MYT1L: variants seen among roughly 807,000 people sequenced by gnomAD.
The protein encoded by MYT1L is myelin transcription factor 1 like, also known as myelin transcription factor 1-like protein.
A neutral mutation model predicts 126.7 loss-of-function variants in MYT1L; 12 were observed. That is an observed-to-expected ratio of 0.09 (90% confidence interval 0.06 to 0.15). MYT1L has a LOEUF of 0.15. Ranked by LOEUF, MYT1L falls within the 10% of genes least tolerant of loss-of-function variation. MYT1L has a pLI of 1.00. For synonymous variants in MYT1L, 541 were observed against 604.2 expected, an observed-to-expected ratio of 0.90 and a Z score of 1.53; for missense variants, 979 against 1,585.2, an observed-to-expected ratio of 0.62 and a Z score of 6.49.
At chr2:1,839,842 T>C (rs2041421245) in intron 20 of MYT1L, among the ~76,000 whole-genome samples, 2 of 152,240 alleles carry the variant, frequency 1.3e-5, no homozygotes, top group South Asian at 2.1e-4. Flanking sequence ...CCGTATCTTC[T>C]GGAGGCCTTA....
intron 18 of MYT1L, among the ~76,000 whole-genome samples, chr2:1,857,303 A>T (rs537244602): frequency 3.3e-5 from 5 of 152,304 alleles, no homozygotes; most frequent in South Asian, 2.1e-4. Flanking sequence ...TATTTTTTTT[A>T]AAAGTCTTCT....
chr2:1,970,533 T>C (rs1330506553), intron 8 of MYT1L, among the ~76,000 whole-genome samples: 1 of 152,190 alleles, frequency 6.6e-6, no homozygotes, highest in Non-Finnish European at 1.5e-5. Flanking sequence ...ATGGTGTCCA[T>C]GAGAGGGGCA....
At chr2:2,022,513 A>G (rs1014041460) in intron 4 of MYT1L, among the ~76,000 whole-genome samples, 3 of 152,036 alleles carry the variant, frequency 2.0e-5, no homozygotes, top group African/African-American at 7.2e-5. Flanking sequence ...AGAGATTTCA[A>G]CCTCTCCTGT....
At chr2:1,828,150 T>C (rs190604052) in intron 21 of MYT1L, 2 of 152,270 alleles carry the variant, frequency 1.3e-5, no homozygotes, top group African/African-American at 4.8e-5. Context: ...AATGTTTACC[T>C]GTGTTGTGTA....
chr2:1,902,991 C>T (rs2050556487), intron 14 of MYT1L, 89 bp downstream of exon 14: 1 of 1,265,602 alleles, frequency 7.9e-7, no homozygotes, highest in Admixed American at 1.7e-5. Flanking sequence ...ACCACCACCG[C>T]TCAACTAATT....
chr2:1,794,255 T>C (rs2032910444), intron 23 of MYT1L, among the ~76,000 whole-genome samples: 1 of 152,208 alleles, frequency 6.6e-6, no homozygotes, highest in African/African-American at 2.4e-5. Flanking sequence ...TGCAGAGGCC[T>C]CGCCATCGCT....
intron 18 of MYT1L, among the ~76,000 whole-genome samples, chr2:1,854,017 T>C (rs111835814): frequency 0.042 from 6,471 of 152,324 alleles, 182 homozygotes; most frequent in South Asian, 0.11. Context: ...GCTTGGTTTA[T>C]GTGTCCTTCT....
At chr2:2,227,475 G>A (rs996580396) in intron 2 of MYT1L, among the ~76,000 whole-genome samples, 1 of 152,082 alleles carries the variant, frequency 6.6e-6, no homozygotes, top group African/African-American at 2.4e-5. Context: ...GGAGTGCATC[G>A]AGGGACCACA....
At chr2:1,807,891 G>A (rs1326100953) in intron 22 of MYT1L, among the ~76,000 whole-genome samples, 1 of 152,138 alleles carries the variant, frequency 6.6e-6, no homozygotes, top group African/African-American at 2.4e-5. Context: ...TAACCTCCAC[G>A]TGTCGTGGGA....
chr2:2,098,462 T>C (rs1033636067), intron 3 of MYT1L, among the ~76,000 whole-genome samples: 2 of 152,206 alleles, frequency 1.3e-5, no homozygotes, highest in Non-Finnish European at 2.9e-5. Context: ...TGCATTAGAT[T>C]ATCCTGAGCC....
chr2:2,293,934 A>G (rs2095635898), intron 1 of MYT1L, among the ~76,000 whole-genome samples: 1 of 152,218 alleles, frequency 6.6e-6, no homozygotes, highest in South Asian at 2.1e-4. Flanking sequence ...TCTGGATAGC[A>G]TCAGCCATGG....
At chr2:1,844,114 G>T (rs535467185) in intron 19 of MYT1L, among the ~76,000 whole-genome samples, 1 of 152,152 alleles carries the variant, frequency 6.6e-6, no homozygotes, top group Admixed American at 6.5e-5. Flanking sequence ...CCACTCACTT[G>T]GTGGGCAGCT....
In MYT1L at chr2:2,090,345, A is replaced by C. The variant is rs542710809; in HGVS notation, c.-303-36222T>G. On this transcript the variant is annotated intron_variant, in intron 3 of 24. Transcript: ENST00000647738. ...ATAAAGGAAGCTACACAATTTTTTC[A>C]TTCCAAAAAAGTGCATATAAATGAT... 2.6e-5 allele frequency among the ~76,000 whole-genome samples: 4 copies of C among 152,366 alleles called. No homozygotes were observed. The East Asian group carries it at 5.8e-4, about 22-fold the overall frequency.
chr2:2,100,929 C>T (rs759658517), intron 3 of MYT1L, among the ~76,000 whole-genome samples: 20 of 152,122 alleles, frequency 1.3e-4, no homozygotes, highest in Admixed American at 5.9e-4. Flanking sequence ...TAGAATAGCA[C>T]GTAGATAATA....
In MYT1L at chr2:2,189,796, G is replaced by A. The variant is rs568262430; in HGVS notation, c.-420-16808C>T. 4.0e-5 allele frequency among the ~76,000 whole-genome samples: 6 copies of A among 150,302 alleles called. No individual in the cohort carries two copies. In the South Asian group the frequency reaches 1.1e-3, roughly 27 times the overall value. ...CTCAGGACCGCACGGGGAGAAGCTC[G>A]TTCTCAGGACCGCACGGGGAGAAGC... On this transcript the variant is annotated intron_variant, in intron 2 of 24. Coordinates refer to ENST00000647738, the MANE Select transcript of MYT1L (RefSeq NM_001303052.2).
At chr2:2,210,139 T>A (rs896673957) in intron 2 of MYT1L, among the ~76,000 whole-genome samples, 4 of 152,204 alleles carry the variant, frequency 2.6e-5, no homozygotes, top group Admixed American at 2.6e-4. Context: ...TTAATTGACA[T>A]TTTAGATTAT....
chr2:2,185,200 A>G (rs561728489), intron 2 of MYT1L, among the ~76,000 whole-genome samples: 7 of 152,342 alleles, frequency 4.6e-5, no homozygotes, highest in Non-Finnish European at 7.3e-5. Context: ...CCTAGACTTA[A>G]AAATAATAAT....
intron 3 of MYT1L, among the ~76,000 whole-genome samples, chr2:2,101,900 G>A (rs2078139304): frequency 6.6e-6 from 1 of 152,218 alleles, no homozygotes; most frequent in South Asian, 2.1e-4. Context: ...TTATGTGAAA[G>A]GGATCACCAG....
intron 3 of MYT1L, among the ~76,000 whole-genome samples, chr2:2,156,057 G>A (rs1217712554): frequency 6.6e-6 from 1 of 152,170 alleles, no homozygotes; most frequent in African/African-American, 2.4e-5. Flanking sequence ...AGGTATGTAG[G>A]TGGATAAATA....
Sources: gnomAD v4.1 joint callset for allele counts (sites outside exome capture counted in the v4.1 genomes callset) on GRCh38, gnomAD v4.1.1 for gene constraint, MANE v1.5 for transcripts, NCBI Gene and HGNC (gene_info 2026-07-23, HGNC 2026-07-21) for gene names.